The following RABEP1 variants were observed in gnomAD, a reference collection of about 807,000 sequenced individuals.
RABEP1 encodes rabaptin, RAB GTPase binding effector protein 1.
In RABEP1, 51 loss-of-function variants were observed where a neutral mutation model predicts 123.4. The observed-to-expected ratio is 0.41, with a 90% confidence interval of 0.33 to 0.52. The LOEUF (loss-of-function observed/expected upper bound fraction) is 0.52, where lower values mean the gene tolerates loss of function less well. Ranked by LOEUF, RABEP1 falls within the 20% of genes least tolerant of loss-of-function variation. RABEP1 has a pLI of 0.16. For synonymous variants in RABEP1, 347 were observed against 355.2 expected (o/e 0.98, Z 0.26); for missense variants, 888 against 996.3 (o/e 0.89, Z 1.46).
intron 2 of RABEP1, among the ~76,000 whole-genome samples, chr17:5,314,027 CTTTGT>C (rs1166324880): frequency 1.3e-5 from 2 of 152,098 alleles, no homozygotes; most frequent in Non-Finnish European, 1.5e-5. Flanking sequence ...GGACAGCAGT[CTTTGT>C]TTTATCTTTC....
intron 11 of RABEP1, 133 bp downstream of exon 11, chr17:5,365,371 T>G (rs1315071949): frequency 3.8e-6 from 2 of 531,348 alleles, no homozygotes; most frequent in East Asian, 3.3e-5. Flanking sequence ...GTAAAAAGAT[T>G]TCTTACTGAT....
At chr17:5,348,950 A>G (rs900327483) in intron 6 of RABEP1, among the ~76,000 whole-genome samples, 1 of 152,202 alleles carries the variant, frequency 6.6e-6, no homozygotes, top group Non-Finnish European at 1.5e-5. Flanking sequence ...AGTTTTTAAT[A>G]TATTCACAAA....
chr17:5,301,653 C>T (rs1044459228), intron 1 of RABEP1, among the ~76,000 whole-genome samples: 1 of 152,066 alleles, frequency 6.6e-6, no homozygotes, highest in African/African-American at 2.4e-5. Context: ...CTCCTTATCT[C>T]ATTCTTAGAC....
intron 5 of RABEP1, among the ~76,000 whole-genome samples, chr17:5,342,026 C>T (rs1350375828): frequency 6.6e-6 from 1 of 152,146 alleles, no homozygotes; most frequent in African/African-American, 2.4e-5. Flanking sequence ...AAGAAAGCAA[C>T]GAGACTGATT....
rs114555550 is a variant in RABEP1, at chr17:5,360,167, T to G, written c.1096-1041T>G. Among the ~76,000 whole-genome samples the G allele has an allele frequency of 6.0e-4, 91 of 152,376 alleles. 1 individual carries two copies. Among genetic ancestry groups the G allele is most frequent in the Non-Finnish European group, 1.0e-3 (69 of 68,034 alleles). ...TATGGCTCTATGGATTTACTTGTTC[T>G]GGACATTTTAAATAGATGGAATTAC... On this transcript the variant is annotated intron_variant, in intron 8 of 17. Coordinates refer to ENST00000537505, the MANE Select transcript of RABEP1 (RefSeq NM_004703.6).
rs185069900 is a variant in RABEP1, at chr17:5,374,627, T to C, written c.2025+1173T>C. On this transcript the variant is annotated intron_variant, in intron 13 of 17. Transcript: ENST00000537505. ...AATTTGTTTCTGTATTTTTATTTTTTTTATTATTTTTTATTTTATTTTTAT... is the reference window on the plus strand; with the variant it reads ...AATTTGTTTCTGTATTTTTATTTTTCTTATTATTTTTTATTTTATTTTTAT... Among the ~76,000 whole-genome samples, 1,137 of 149,402 alleles carry C rather than the reference T, an allele frequency of 7.6e-3. 41 individuals are homozygous for C. Among genetic ancestry groups the C allele is most frequent in the African/African-American group, 0.027 (1,073 of 39,420 alleles).
intron 15 of RABEP1, among the ~76,000 whole-genome samples, chr17:5,379,261 T>C (rs904523422): frequency 6.6e-6 from 1 of 152,224 alleles, no homozygotes; most frequent in African/African-American, 2.4e-5. Flanking sequence ...CTTTTCTTTT[T>C]CTTCAGAGAA....
At chr17:5,300,457 G>T (rs1347358111) in intron 1 of RABEP1, among the ~76,000 whole-genome samples, 1 of 152,176 alleles carries the variant, frequency 6.6e-6, no homozygotes, top group African/African-American at 2.4e-5. Flanking sequence ...TATCAGTGAT[G>T]TGTAGCCTTG....
chr17:5,291,271 G>A (rs1400307773), intron 1 of RABEP1, among the ~76,000 whole-genome samples: 7 of 152,052 alleles, frequency 4.6e-5, no homozygotes, highest in Non-Finnish European at 7.4e-5. Context: ...TTAACTGGGC[G>A]TGGTGGTGGG....
intron 6 of RABEP1, 127 bp downstream of exon 6, chr17:5,347,052 AG>A: frequency 1.2e-6 from 1 of 853,570 alleles, no homozygotes; most frequent in Non-Finnish European, 1.6e-6. Context: ...TAAGCCTTGT[AG>A]TTGGTTTAAA....
At chr17:5,289,526 A>G (rs1419307973) in intron 1 of RABEP1, among the ~76,000 whole-genome samples, 1 of 151,540 alleles carries the variant, frequency 6.6e-6, no homozygotes, top group African/African-American at 2.4e-5. Flanking sequence ...ATCATTTTCA[A>G]CACTTGTGGT....
intron 2 of RABEP1, among the ~76,000 whole-genome samples, chr17:5,330,659 G>A (rs1000349245): frequency 2.6e-5 from 4 of 152,066 alleles, no homozygotes; most frequent in Admixed American, 1.3e-4. Flanking sequence ...CTTTGGAGAG[G>A]AAATTGATAC....
chr17:5,292,218 A>G (rs148977301), intron 1 of RABEP1, among the ~76,000 whole-genome samples: 29 of 152,382 alleles, frequency 1.9e-4, no homozygotes, highest in South Asian at 8.3e-4. Flanking sequence ...GCCAATAGGC[A>G]AGGCCTAAAA....
chr17:5,373,807 T>G (rs148265107), intron 13 of RABEP1, among the ~76,000 whole-genome samples: 2 of 151,818 alleles, frequency 1.3e-5, no homozygotes, highest in Non-Finnish European at 2.9e-5. Context: ...AAGCAACTAC[T>G]AACCTTTCTG....
At chr17:5,336,983 A>T (rs955833846) in intron 4 of RABEP1, among the ~76,000 whole-genome samples, 1 of 152,150 alleles carries the variant, frequency 6.6e-6, no homozygotes, top group Non-Finnish European at 1.5e-5. Flanking sequence ...AAATTCAGTG[A>T]ATTAGGTTTT....
chr17:5,380,542 T>A (rs1301234691), intron 16 of RABEP1, 80 bp downstream of exon 16: 5 of 1,174,628 alleles, frequency 4.3e-6, no homozygotes, highest in Admixed American at 2.0e-5. Flanking sequence ...GAAAAAAAAA[T>A]ATTGGTGCTT....
In RABEP1 at chr17:5,282,304, G is replaced by A. The variant is rs1331493672; in HGVS notation, c.-183G>A. 7 of 416,782 alleles carry A rather than the reference G, an allele frequency of 1.7e-5. No homozygotes were observed. Among genetic ancestry groups the A allele is most frequent in the Admixed American group, 1.3e-4 (3 of 22,626 alleles). 25.8% of individuals were successfully genotyped at this position (416,782 alleles called of 1,614,324 possible). On this transcript the variant is annotated 5_prime_UTR_variant, in exon 1 of 18. Transcript: ENST00000537505. ...CCGCTGTCAGGATGAGGAGGCGGAGGTCGGCGGTCGGGTCCGTCTCTGCCC... is the reference window on the plus strand; with the variant it reads ...CCGCTGTCAGGATGAGGAGGCGGAGATCGGCGGTCGGGTCCGTCTCTGCCC...
Position 5,384,330 on chromosome 17 carries a change from T to G in RABEP1, c.*1107T>G, listed in dbSNP as rs1311057866. 1 of 213,084 alleles carries G rather than the reference T, an allele frequency of 4.7e-6. No individual in the cohort carries two copies. The highest frequency in any genetic ancestry group is 9.5e-6 in the Non-Finnish European group (1 of 105,394). 13.2% of individuals were successfully genotyped at this position (213,084 alleles called of 1,614,324 possible). A position where few individuals can be genotyped will look rare whatever the true frequency, so the allele number is the denominator to read the frequency against. ...GAAACAGGTCTTTGCCATAACTTTA[T>G]GAAGTGCTACAGAAAGCACAAAGAA... On this transcript the variant is annotated 3_prime_UTR_variant, in exon 18 of 18. Coordinates refer to ENST00000537505, the MANE Select transcript of RABEP1 (RefSeq NM_004703.6).
intron 13 of RABEP1, among the ~76,000 whole-genome samples, chr17:5,374,403 C>G (rs914083116): frequency 6.6e-6 from 1 of 151,824 alleles, no homozygotes; most frequent in Non-Finnish European, 1.5e-5. Flanking sequence ...CAGAGACATT[C>G]ATAATTCTCT....
Sources: allele counts gnomAD v4.1 joint callset (sites outside exome capture counted in the v4.1 genomes callset), GRCh38; gene constraint gnomAD v4.1.1; transcripts MANE v1.5; gene names NCBI Gene and HGNC (gene_info 2026-07-23, HGNC 2026-07-21).